Variants in KIF26B observed in about 807,000 individuals in gnomAD.
The protein encoded by KIF26B is kinesin family member 26B.
KIF26B carries 63 observed loss-of-function variants against 151.2 expected under a neutral mutation model. That is an observed-to-expected ratio of 0.42 (90% confidence interval 0.34 to 0.51). KIF26B has a LOEUF of 0.51. KIF26B is among the 20% of genes least tolerant of loss of function. The pLI, the probability that KIF26B is intolerant of heterozygous loss-of-function variation, is 0.07. For missense variants in KIF26B, 2,813 were observed against 2,913.6 expected (o/e 0.97, Z 0.79); for synonymous variants, 1,357 against 1,262.1 (o/e 1.08, Z -1.59).
chr1:245,323,217 T>A (rs1160142190), intron 2 of KIF26B, among the ~76,000 whole-genome samples: 1 of 150,066 alleles, frequency 6.7e-6, no homozygotes, highest in African/African-American at 2.5e-5. Flanking sequence ...TGTGTGGTTG[T>A]GACGTATGTA....
At chr1:245,328,803 C>T (rs982137487) in intron 2 of KIF26B, among the ~76,000 whole-genome samples, 3 of 152,166 alleles carry the variant, frequency 2.0e-5, no homozygotes, top group Admixed American at 6.5e-5. Context: ...GTCCAGTTGT[C>T]GCTCATCGAG....
rs533710580 is a variant in KIF26B, at chr1:245,375,857, C to T, written c.999+8490C>T. On this transcript the variant is annotated intron_variant, in intron 3 of 14. Coordinates refer to ENST00000407071, the MANE Select transcript of KIF26B (RefSeq NM_018012.4). This position sits in a 1 kb window ranked among gnomAD's most constrained non-coding sequence, Gnocchi z 4.2. ...TCACACAACAAACCCCGTTACCCTGCGGATCGGCCGGTCCATGCACAAGTC... is the reference window on the plus strand; with the variant it reads ...TCACACAACAAACCCCGTTACCCTGTGGATCGGCCGGTCCATGCACAAGTC... 2.6e-4 allele frequency among the ~76,000 whole-genome samples: 40 copies of T among 152,202 alleles called. No individual in the cohort carries two copies. The highest frequency in any genetic ancestry group is 3.4e-3 in the Middle Eastern group (1 of 294).
At chr1:245,213,629 C>T (rs769479786) in intron 2 of KIF26B, among the ~76,000 whole-genome samples, 21 of 152,338 alleles carry the variant, frequency 1.4e-4, no homozygotes, top group South Asian at 8.3e-4. Flanking sequence ...CCTTCCTTCA[C>T]CGGAGCCTGG....
chr1:245,226,348 G>A (rs536983627), intron 2 of KIF26B, among the ~76,000 whole-genome samples: 1 of 152,314 alleles, frequency 6.6e-6, no homozygotes, highest in Admixed American at 6.5e-5. Flanking sequence ...TGTCCCAGCA[G>A]AGACTGAACG....
At chr1:245,534,845 C>A (rs543411762) in intron 4 of KIF26B, among the ~76,000 whole-genome samples, 1 of 150,638 alleles carries the variant, frequency 6.6e-6, no homozygotes, top group Non-Finnish European at 1.5e-5. Flanking sequence ...TGCAGCAGCA[C>A]GATCTCGGCT....
At position 245,401,755 on chromosome 1, in the gene KIF26B, A is replaced by G. The variant is rs145141767; in HGVS notation, c.1000-17824A>G. ...CGTGGTGGCACATGCCTATAATCCC[A>G]GCTACTCAGGAGGCTGAGGCATGAG... On this transcript the variant is annotated intron_variant, in intron 3 of 14. Transcript: ENST00000407071. Among the ~76,000 whole-genome samples the G allele has an allele frequency of 2.2e-3, 329 of 152,312 alleles. 2 individuals are homozygous for G. Among genetic ancestry groups the G allele is most frequent in the African/African-American group, 7.8e-3 (324 of 41,562 alleles).
At chr1:245,171,025 G>A (rs1668698526) in intron 2 of KIF26B, among the ~76,000 whole-genome samples, 1 of 152,204 alleles carries the variant, frequency 6.6e-6, no homozygotes, top group South Asian at 2.1e-4. Flanking sequence ...CCCTTTAAAG[G>A]CTTTGGACTA....
At position 245,706,183 on chromosome 1, in the gene KIF26B, C is replaced by T. The variant is rs183495725; in HGVS notation, c.*3577C>T. 1 of 152,280 alleles carries T rather than the reference C, an allele frequency of 6.6e-6. No individual in the cohort carries two copies. Among genetic ancestry groups the T allele is most frequent in the African/African-American group, 2.4e-5 (1 of 41,550 alleles). 9.4% of individuals were successfully genotyped at this position (152,280 alleles called of 1,614,324 possible). A position where few individuals can be genotyped will look rare whatever the true frequency, so the allele number is the denominator to read the frequency against. On this transcript the variant is annotated 3_prime_UTR_variant, in exon 15 of 15. Coordinates refer to ENST00000407071, the MANE Select transcript of KIF26B (RefSeq NM_018012.4). ...AAGGCGGTAGTGACTTCAGTCCAGC[C>T]GCATCTACCATCCAGGGTGGAGGTT...
intron 2 of KIF26B, among the ~76,000 whole-genome samples, chr1:245,343,949 G>A (rs1572014162): frequency 6.6e-6 from 1 of 151,980 alleles, no homozygotes; most frequent in Admixed American, 6.5e-5. Context: ...GCTGCAATTC[G>A]GGGGGGCCAA....
chr1:245,653,630 G>A (rs2044042774), intron 10 of KIF26B, among the ~76,000 whole-genome samples: 1 of 152,132 alleles, frequency 6.6e-6, no homozygotes, highest in Non-Finnish European at 1.5e-5. Flanking sequence ...GGGCCTCACT[G>A]CCTCCCAGTT....
At chr1:245,214,949 G>C (rs1483384318) in intron 2 of KIF26B, among the ~76,000 whole-genome samples, 1 of 152,100 alleles carries the variant, frequency 6.6e-6, no homozygotes, top group East Asian at 1.9e-4. Flanking sequence ...GAAGAGGGAG[G>C]CATCTTGGGA....
chr1:245,629,939 T>C (rs2103171063), intron 9 of KIF26B, among the ~76,000 whole-genome samples: 1 of 151,338 alleles, frequency 6.6e-6, no homozygotes, highest in South Asian at 2.1e-4. Context: ...GGAGAGACAC[T>C]TCTCAAAAGA....
At chr1:245,478,651 G>A (rs1011373812) in intron 4 of KIF26B, among the ~76,000 whole-genome samples, 6 of 151,644 alleles carry the variant, frequency 4.0e-5, no homozygotes, top group Non-Finnish European at 8.9e-5. Flanking sequence ...CTCCTGACTT[G>A]TGGTCCACCC....
chr1:245,607,609 C>T (rs2043470443), intron 6 of KIF26B, 42 bp from the exon 7 acceptor site: 5 of 1,515,476 alleles, frequency 3.3e-6, no homozygotes, highest in South Asian at 1.2e-5. Context: ...GTCTCCGCTG[C>T]GAGGTCCATT....
At chr1:245,326,377 A>G (rs968460512) in intron 2 of KIF26B, among the ~76,000 whole-genome samples, 4 of 152,222 alleles carry the variant, frequency 2.6e-5, no homozygotes, top group Admixed American at 6.5e-5. Context: ...ATTTCTGGAC[A>G]GTGGTAGATT....
At chr1:245,671,472 C>G (rs2044285516) in intron 10 of KIF26B, among the ~76,000 whole-genome samples, 1 of 151,956 alleles carries the variant, frequency 6.6e-6, no homozygotes, top group South Asian at 2.1e-4. Context: ...TTACCGGGGG[C>G]CGGGGGAGTA....
At chr1:245,274,005 C>T (rs1448801394) in intron 2 of KIF26B, among the ~76,000 whole-genome samples, 2 of 151,910 alleles carry the variant, frequency 1.3e-5, no homozygotes, top group Non-Finnish European at 2.9e-5. Flanking sequence ...ATTACTTTTT[C>T]ATTTTCTGTT....
chr1:245,328,000 T>G (rs1672027659), intron 2 of KIF26B, among the ~76,000 whole-genome samples: 1 of 151,546 alleles, frequency 6.6e-6, no homozygotes, highest in African/African-American at 2.4e-5. Flanking sequence ...AAGGGAAGAG[T>G]CTGCACTTAG....
chr1:245,640,835 T>A (rs1039582797), intron 9 of KIF26B, among the ~76,000 whole-genome samples: 1 of 152,210 alleles, frequency 6.6e-6, no homozygotes, highest in Non-Finnish European at 1.5e-5. Context: ...TCCTACATTT[T>A]AAATTTTTGA....
Sources: gnomAD v4.1 joint callset for allele counts (sites outside exome capture counted in the v4.1 genomes callset) on GRCh38, gnomAD v4.1.1 for gene constraint, Gnocchi (gnomAD v3.1) non-coding constraint, MANE v1.5 for transcripts, NCBI Gene and HGNC (gene_info 2026-07-23, HGNC 2026-07-21) for gene names.